The following SYN2 variants were observed in gnomAD, a reference collection of about 807,000 sequenced individuals.
SYN2 encodes the protein synapsin II.
Under a neutral mutation model 50.9 loss-of-function variants are expected in SYN2, and 19 were observed. The observed-to-expected ratio is 0.37, with a 90% CI of 0.26 to 0.55. The LOEUF (loss-of-function observed/expected upper bound fraction) is 0.55. Among genes scored for constraint, SYN2 ranks in the 20% least tolerant of loss-of-function variants. The pLI is 0.81. For synonymous variants in SYN2, 255 were observed against 224.9 expected (o/e 1.13, Z -1.20); for missense variants, 587 against 576.4 (o/e 1.02, Z -0.19).
Position 12,011,151 on chromosome 3 carries a change from T to C in SYN2, c.377+6223T>C, listed in dbSNP as rs576438437. On this transcript the variant is annotated intron_variant, in intron 1 of 12. Coordinates refer to ENST00000621198, the MANE Select transcript of SYN2 (RefSeq NM_133625.6). ...GGTGGATATGATCCTGAAAAAGCTG[T>C]GTATATTGAGTTTTTGTAAATTGAA... Among the ~76,000 whole-genome samples, 7 of 152,296 alleles carry C rather than the reference T, an allele frequency of 4.6e-5. No individual in the cohort carries two copies. In the South Asian group the frequency reaches 1.5e-3, roughly 32 times the overall value.
chr3:12,186,313 C>T (rs578092535), intron 11 of SYN2, among the ~76,000 whole-genome samples: 1 of 152,268 alleles, frequency 6.6e-6, no homozygotes, highest in South Asian at 2.1e-4. Context: ...CTTTTGATTT[C>T]TAAGCGTTGG....
At chr3:12,090,512 T>C (rs954505579) in intron 1 of SYN2, among the ~76,000 whole-genome samples, 4 of 146,876 alleles carry the variant, frequency 2.7e-5, no homozygotes, top group African/African-American at 5.4e-5. Context: ...AGTAAGACCT[T>C]GAGCTAATGA....
intron 1 of SYN2, among the ~76,000 whole-genome samples, chr3:12,025,300 A>G (rs1019664907): frequency 3.9e-5 from 6 of 152,212 alleles, no homozygotes; most frequent in Non-Finnish European, 1.5e-5. Flanking sequence ...CATTCAGTCC[A>G]TAGCAACGTG....
chr3:12,050,885 G>A (rs946226062), intron 1 of SYN2, among the ~76,000 whole-genome samples: 10 of 151,112 alleles, frequency 6.6e-5, no homozygotes, highest in Middle Eastern at 3.4e-3. Flanking sequence ...ACAGGCGCCC[G>A]CCACCGCGCC....
At chr3:12,025,496 A>G (rs1574893788) in intron 1 of SYN2, among the ~76,000 whole-genome samples, 1 of 152,256 alleles carries the variant, frequency 6.6e-6, no homozygotes, top group Admixed American at 6.5e-5. Flanking sequence ...GTAGATTTTG[A>G]GATCAGTGTT....
chr3:12,187,229 G>A (rs1401260947), intron 11 of SYN2, 140 bp from the exon 12 acceptor site: 3 of 1,242,002 alleles, frequency 2.4e-6, no homozygotes, highest in Non-Finnish European at 3.2e-6. Context: ...CCCCCTTTAG[G>A]GCCCTTCAGA....
chr3:12,174,520 G>T (rs988546183), intron 10 of SYN2, among the ~76,000 whole-genome samples: 2 of 152,104 alleles, frequency 1.3e-5, no homozygotes, highest in Non-Finnish European at 2.9e-5. Context: ...GTCTTGCTCT[G>T]TCACCAGGCT....
rs541402025 is a variant in SYN2, at chr3:12,184,895, T to A, written c.1369+1523T>A. 1.9e-5 allele frequency: 19 copies of A among 985,658 alleles called. No homozygotes were observed. In the East Asian group the frequency reaches 7.9e-4, roughly 41 times the overall value. The allele number at this position is 985,658 out of a possible 1,614,324, so 61.1% of individuals were successfully genotyped here. ...GCAGCTTGCCTTTGAGAAGAAATGC[T>A]GCTGGCTCTATTTTTACATTCCCTT... On this transcript the variant is annotated intron_variant, in intron 11 of 12. Coordinates refer to ENST00000621198, the MANE Select transcript of SYN2 (RefSeq NM_133625.6).
chr3:12,008,046 A>G (rs1693834013), intron 1 of SYN2, among the ~76,000 whole-genome samples: 1 of 152,216 alleles, frequency 6.6e-6, no homozygotes, highest in African/African-American at 2.4e-5. Flanking sequence ...TTTAAGGTTC[A>G]TGGCTAAATT....
intron 1 of SYN2, among the ~76,000 whole-genome samples, chr3:12,012,804 T>G (rs369575914): frequency 8.5e-5 from 13 of 152,330 alleles, no homozygotes; most frequent in African/African-American, 3.1e-4. Context: ...TTTCCTTCTG[T>G]TCATATTCTC....
intron 1 of SYN2, among the ~76,000 whole-genome samples, chr3:12,133,161 C>G (rs1696828673): frequency 6.6e-6 from 1 of 152,168 alleles, no homozygotes; most frequent in Non-Finnish European, 1.5e-5. Flanking sequence ...AGCTTGCTCT[C>G]TATCTAAGAA....
intron 1 of SYN2, among the ~76,000 whole-genome samples, chr3:12,124,826 A>AT (rs1696631825): frequency 3.3e-5 from 5 of 152,250 alleles, no homozygotes; most frequent in Non-Finnish European, 5.9e-5. Context: ...AATTCAGAGT[A>AT]GTTATCCCTG....
At chr3:12,158,423 C>T (rs1378291907) in intron 5 of SYN2, among the ~76,000 whole-genome samples, 1 of 152,124 alleles carries the variant, frequency 6.6e-6, no homozygotes, top group Non-Finnish European at 1.5e-5. Flanking sequence ...TCCGGTGACA[C>T]CTTGTGTAAT....
At chr3:12,138,603 C>G (rs1359657650) in intron 1 of SYN2, among the ~76,000 whole-genome samples, 1 of 152,192 alleles carries the variant, frequency 6.6e-6, no homozygotes, top group African/African-American at 2.4e-5. Flanking sequence ...TTCAGTTTCC[C>G]CATCAGCCAA....
rs771405268 is a variant in SYN2, at chr3:12,190,519, G to A, written c.1643G>A (p.Ser548Asn). 6.2e-7 allele frequency: 1 copy of A among 1,613,774 alleles called. No individual in the cohort carries two copies. The highest frequency in any genetic ancestry group is 8.5e-7 in the Non-Finnish European group (1 of 1,179,814). Residue 548 changes from serine (S) to asparagine (N), a missense_variant, in exon 13 of 13, where the codon AGC becomes AAC. Coordinates refer to ENST00000621198, the MANE Select transcript of SYN2 (RefSeq NM_133625.6). ...TCGCAGTCCCTGACAAATGCCTTCA[G>A]CTTCTCTGAGTCCTCCTTCTTCCGG... ...NKSQSLTNAF[S>N]FSESSFFRSS...
At chr3:12,067,979 G>T (rs1695257003) in intron 1 of SYN2, among the ~76,000 whole-genome samples, 2 of 152,182 alleles carry the variant, frequency 1.3e-5, no homozygotes, top group South Asian at 4.1e-4. Context: ...GATCACCTGA[G>T]CCTTGGGAGG....
At chr3:12,106,526 G>A (rs1438297284) in intron 1 of SYN2, among the ~76,000 whole-genome samples, 1 of 152,076 alleles carries the variant, frequency 6.6e-6, no homozygotes, top group Non-Finnish European at 1.5e-5. Context: ...ACAGGTTAGT[G>A]CCTGCCACAT....
At chr3:12,151,090 G>C in intron 4 of SYN2, 147 bp from the exon 5 acceptor site, 2 of 592,180 alleles carry the variant, frequency 3.4e-6, no homozygotes, top group East Asian at 2.8e-5. Flanking sequence ...CTTGGAAATA[G>C]GAATTGTACA....
intron 1 of SYN2, among the ~76,000 whole-genome samples, chr3:12,052,658 G>T (rs1266860916): frequency 6.6e-6 from 1 of 152,204 alleles, no homozygotes; most frequent in Non-Finnish European, 1.5e-5. Context: ...TATCTGGATG[G>T]ATTGGTAGGA....
Sources: gnomAD v4.1 joint callset for allele counts (sites outside exome capture counted in the v4.1 genomes callset) on GRCh38, gnomAD v4.1.1 for gene constraint, MANE v1.5 for transcripts, NCBI Gene and HGNC (gene_info 2026-07-23, HGNC 2026-07-21) for gene names.